IL23R: variants seen among roughly 807,000 people sequenced by gnomAD.
The protein encoded by IL23R is interleukin-23 receptor.
In IL23R, 34 loss-of-function variants were observed where a neutral mutation model predicts 56.9. The ratio of observed to expected loss-of-function variants is 0.60; its 90% confidence interval spans 0.45 to 0.80. IL23R has a LOEUF of 0.80. IL23R is among the 30% of genes least tolerant of loss of function. The probability of loss-of-function intolerance (pLI) is 0.00; values close to 1 mark genes in which losing one functional copy is unlikely to be tolerated. For synonymous variants in IL23R, 230 were observed against 249.2 expected (o/e 0.92, Z 0.73); for missense variants, 635 against 730.0 (o/e 0.87, Z 1.50).
At chr1:67,187,548 G>A (rs1164356622) in intron 4 of IL23R, among the ~76,000 whole-genome samples, 4 of 152,028 alleles carry the variant, frequency 2.6e-5, no homozygotes, top group African/African-American at 9.6e-5. Context: ...TGACTTTTGA[G>A]GAACACATTC....
At chr1:67,186,226 C>G (rs147821256) in intron 4 of IL23R, among the ~76,000 whole-genome samples, 103 of 152,304 alleles carry the variant, frequency 6.8e-4, no homozygotes, top group African/African-American at 2.4e-3. Flanking sequence ...GCCAGATTGA[C>G]AGAGATAGCC....
chr1:67,205,109 T>C (rs900761340), intron 5 of IL23R, among the ~76,000 whole-genome samples: 2 of 152,176 alleles, frequency 1.3e-5, no homozygotes, highest in Admixed American at 6.5e-5. Flanking sequence ...ACAAGAAGCT[T>C]GCACTAGCAA....
intron 3 of IL23R, among the ~76,000 whole-genome samples, chr1:67,180,219 G>T (rs71639503): frequency 6.6e-6 from 1 of 152,170 alleles, no homozygotes; most frequent in Non-Finnish European, 1.5e-5. Context: ...ACAGTGGGGT[G>T]TTAAAGTCTC....
At chr1:67,183,167 C>A (rs59793228) in intron 4 of IL23R, among the ~76,000 whole-genome samples, 5 of 152,226 alleles carry the variant, frequency 3.3e-5, no homozygotes, top group Non-Finnish European at 7.3e-5. Flanking sequence ...GCTCTATGAT[C>A]TTTCTGTCCT....
intron 6 of IL23R, among the ~76,000 whole-genome samples, chr1:67,213,624 A>G (rs1490326172): frequency 6.6e-6 from 1 of 152,212 alleles, no homozygotes; most frequent in African/African-American, 2.4e-5. Flanking sequence ...AATTGCCTGC[A>G]GGATTCAGTA....
intron 1 of IL23R, among the ~76,000 whole-genome samples, chr1:67,150,617 C>A (rs1206837925): frequency 7.0e-6 from 1 of 142,362 alleles, no homozygotes; most frequent in African/African-American, 2.6e-5. Context: ...TCTTTTATGG[C>A]TGCACGTTCT....
intron 1 of IL23R, among the ~76,000 whole-genome samples, chr1:67,144,325 G>C (rs1308756512): frequency 6.6e-6 from 1 of 152,124 alleles, no homozygotes; most frequent in Admixed American, 6.5e-5. Flanking sequence ...GGTCTGATTT[G>C]TCTCTTTTAT....
chr1:67,258,599 A>C lies in IL23R; in HGVS notation c.1361A>C (p.Asn454Thr), dbSNP rs1296086963. 6.2e-7 allele frequency: 1 copy of C among 1,613,862 alleles called. No homozygotes were observed. Among genetic ancestry groups the C allele is most frequent in the Non-Finnish European group, 8.5e-7 (1 of 1,179,928 alleles). ...AAGCCTACAGACTACAAGAAGGAGA[A>C]TACAGGACCCCTGGAGACAAGAGAC... ...EHKPTDYKKENTGPLETRDYP... is the reference protein window; with the variant it reads ...EHKPTDYKKETTGPLETRDYP... Residue 454 changes from asparagine to threonine, a missense_variant, in exon 11 of 11, where the codon AAT (asparagine) becomes ACT (threonine). Physicochemically the swap from Asn to Thr is moderately conservative, Grantham distance 65 (BLOSUM62 0). Transcript: ENST00000347310.
intron 3 of IL23R, among the ~76,000 whole-genome samples, chr1:67,181,327 C>T (rs1032138773): frequency 6.6e-6 from 1 of 152,134 alleles, no homozygotes; most frequent in Non-Finnish European, 1.5e-5. Context: ...AGGCTTTGTT[C>T]ATTTCTTTTT....
In IL23R at chr1:67,258,615, G is replaced by A. The variant is rs1452828807; in HGVS notation, c.1377G>A (p.Glu459=). ...AGAAGGAGAATACAGGACCCCTGGA[G>A]ACAAGAGACTACCCGCAAAACTCGC... is the stretch of plus-strand genomic sequence containing the variant. ...DYKKENTGPL[E]TRDYPQNSLF... Residue 459 remains glutamate, a synonymous_variant, in exon 11 of 11, where the codon GAG becomes GAA. Coordinates refer to ENST00000347310, the MANE Select transcript of IL23R (RefSeq NM_144701.3). 1.2e-6 allele frequency: 2 copies of A among 1,613,816 alleles called. No individual in the cohort carries two copies. The highest frequency in any genetic ancestry group is 2.2e-5 in the South Asian group (2 of 91,010).
chr1:67,220,626 G>A (rs1489559415), intron 7 of IL23R, among the ~76,000 whole-genome samples: 1 of 151,872 alleles, frequency 6.6e-6, no homozygotes, highest in Non-Finnish European at 1.5e-5. Context: ...CCAGCACTTT[G>A]GGAGACCAAG....
At chr1:67,220,293 CAAG>C (rs935928005) in intron 7 of IL23R, among the ~76,000 whole-genome samples, 1 of 151,780 alleles carries the variant, frequency 6.6e-6, no homozygotes, top group Non-Finnish European at 1.5e-5. Context: ...TGCTTGAACC[CAAG>C]AAGTGGAGGT....
chr1:67,229,643 G>T (rs961320566), intron 7 of IL23R, among the ~76,000 whole-genome samples: 7 of 152,124 alleles, frequency 4.6e-5, no homozygotes, highest in Admixed American at 3.9e-4. Flanking sequence ...ACTACATAGG[G>T]GCGGCCAGCC....
In IL23R at chr1:67,169,619, A is replaced by C; in HGVS notation, c.348A>C (p.Gly116=). Residue 116 remains glycine (G), a synonymous_variant, in exon 3 of 11, where the codon GGA becomes GGC. Coordinates refer to ENST00000347310, the MANE Select transcript of IL23R (RefSeq NM_144701.3). The part of the protein sequence containing the change: ...PKHFQETLIC[G]KDISSGYPPD... Reference sequence around the variant, plus strand: ...ATTTTCAAGAGACACTGATATGTGGAAAAGACATTTCTTCTGGATGTAAGT... The same window carrying C: ...ATTTTCAAGAGACACTGATATGTGGCAAAGACATTTCTTCTGGATGTAAGT... The C allele has an allele frequency of 1.9e-6, 3 of 1,614,074 alleles. No homozygotes were observed. The highest frequency in any genetic ancestry group is 2.5e-6 in the Non-Finnish European group (3 of 1,179,928).
intron 5 of IL23R, among the ~76,000 whole-genome samples, chr1:67,204,940 G>A (rs1648903195): frequency 2.0e-5 from 3 of 151,988 alleles, no homozygotes; most frequent in Admixed American, 2.0e-4. Context: ...CACAACACCT[G>A]GCTAAGTTTT....
chr1:67,204,175 T>C (rs1272655327), intron 5 of IL23R, among the ~76,000 whole-genome samples: 2 of 152,196 alleles, frequency 1.3e-5, no homozygotes, highest in East Asian at 3.8e-4. Flanking sequence ...GCCATTCTCC[T>C]GCCTCAGCCT....
intron 3 of IL23R, among the ~76,000 whole-genome samples, chr1:67,179,953 T>C (rs56392703): frequency 6.6e-6 from 1 of 152,220 alleles, no homozygotes; most frequent in Non-Finnish European, 1.5e-5. Context: ...TAATCCTGAG[T>C]CCTAGTTTGA....
intron 4 of IL23R, among the ~76,000 whole-genome samples, chr1:67,192,071 T>C (rs1330440450): frequency 1.3e-5 from 2 of 152,160 alleles, no homozygotes; most frequent in African/African-American, 4.8e-5. Flanking sequence ...AAGCCAGCAG[T>C]GCATTTGGTG....
chr1:67,164,233 C>T (rs552550532), upstream of IL23R, among the ~76,000 whole-genome samples: 15 of 152,316 alleles, frequency 9.8e-5, no homozygotes, highest in South Asian at 1.7e-3. Context: ...CGGTGACTCA[C>T]GCCTGTAATC....
Sources: allele counts gnomAD v4.1 joint callset (sites outside exome capture counted in the v4.1 genomes callset), GRCh38; gene constraint gnomAD v4.1.1; transcripts MANE v1.5; gene names NCBI Gene and HGNC (gene_info 2026-07-23, HGNC 2026-07-21).